The following OPCML variants were observed in gnomAD, a reference collection of about 807,000 sequenced individuals.
OPCML encodes opioid binding protein/cell adhesion molecule like.
In OPCML, 13 loss-of-function variants were observed where a neutral mutation model predicts 37.8. That is an observed-to-expected ratio of 0.34 (90% CI 0.22 to 0.55). The LOEUF (loss-of-function observed/expected upper bound fraction) is 0.55. Among genes scored for constraint, OPCML ranks in the 20% least tolerant of loss-of-function variants. The pLI is 0.91. For missense variants in OPCML, 341 were observed against 435.6 expected (o/e 0.78, Z 1.93); for synonymous variants, 176 against 168.8 (o/e 1.04, Z -0.33).
intron 3 of OPCML, among the ~76,000 whole-genome samples, chr11:132,598,270 T>G (rs767570751): frequency 6.6e-6 from 1 of 152,206 alleles, no homozygotes; most frequent in Non-Finnish European, 1.5e-5. Context: ...TTTTGGTATG[T>G]GTCTGTTTCA....
At chr11:133,414,622 A>G (rs1264353296) in intron 1 of OPCML, among the ~76,000 whole-genome samples, 1 of 152,168 alleles carries the variant, frequency 6.6e-6, no homozygotes, top group Non-Finnish European at 1.5e-5. Flanking sequence ...GCATTTAGGA[A>G]TCCATCTAAT....
At chr11:132,580,987 C>T (rs1050506621) in intron 3 of OPCML, among the ~76,000 whole-genome samples, 17 of 152,028 alleles carry the variant, frequency 1.1e-4, no homozygotes, top group African/African-American at 4.1e-4. Context: ...GGATTTGAGT[C>T]CTGTCCAGAC....
intron 1 of OPCML, among the ~76,000 whole-genome samples, chr11:133,347,899 T>A (rs571625663): frequency 1.3e-5 from 2 of 152,154 alleles, no homozygotes; most frequent in South Asian, 2.1e-4. Context: ...AAGATGATAG[T>A]GAGCTGAGAG....
chr11:133,434,168 G>T (rs1416466879), intron 1 of OPCML, among the ~76,000 whole-genome samples: 1 of 152,062 alleles, frequency 6.6e-6, no homozygotes, highest in African/African-American at 2.4e-5. Context: ...AGTTAGGTGG[G>T]ATTACACTAT....
intron 1 of OPCML, among the ~76,000 whole-genome samples, chr11:132,989,008 T>C (rs566991359): frequency 3.9e-5 from 6 of 152,260 alleles, no homozygotes; most frequent in African/African-American, 1.4e-4. Flanking sequence ...CCAAACTCCA[T>C]TGGCAAAAAT....
intron 1 of OPCML, among the ~76,000 whole-genome samples, chr11:133,397,761 A>G (rs1208037329): frequency 6.6e-6 from 1 of 152,244 alleles, no homozygotes; most frequent in East Asian, 1.9e-4. Flanking sequence ...TGCAATTGAC[A>G]GAATTTATAA....
chr11:133,075,571 G>A (rs932952199), intron 1 of OPCML, among the ~76,000 whole-genome samples: 6 of 152,216 alleles, frequency 3.9e-5, no homozygotes, highest in Admixed American at 1.3e-4. Context: ...CACAGGGACA[G>A]TTATACTGGC....
At chr11:132,671,143 G>A (rs1939506) in intron 2 of OPCML, among the ~76,000 whole-genome samples, 82,422 of 151,928 alleles carry the variant, frequency 0.54, 22,642 homozygotes, top group African/African-American at 0.62. Context: ...AGATGGGCAG[G>A]GACAGATGGC....
chr11:133,483,964 T>C (rs1327844525), intron 1 of OPCML, among the ~76,000 whole-genome samples: 1 of 129,482 alleles, frequency 7.7e-6, no homozygotes, highest in Non-Finnish European at 1.6e-5. Flanking sequence ...AGACAGATTA[T>C]ATAGATAGGT....
At chr11:132,916,668 C>T (rs1056522754) in intron 2 of OPCML, among the ~76,000 whole-genome samples, 4 of 152,064 alleles carry the variant, frequency 2.6e-5, no homozygotes, top group African/African-American at 4.8e-5. Context: ...TAGAAGTCAC[C>T]GGAAGAGAAG....
intron 3 of OPCML, among the ~76,000 whole-genome samples, chr11:132,536,939 G>C (rs2096342365): frequency 6.6e-6 from 1 of 152,156 alleles, no homozygotes; most frequent in South Asian, 2.1e-4. Context: ...TCATATGTTT[G>C]TGTGTGTGCA....
chr11:133,459,326 G>A (rs1946804407), intron 1 of OPCML, among the ~76,000 whole-genome samples: 1 of 151,832 alleles, frequency 6.6e-6, no homozygotes, highest in Non-Finnish European at 1.5e-5. Context: ...GACACAAAAG[G>A]CTCTAAGACA....
intron 1 of OPCML, among the ~76,000 whole-genome samples, chr11:133,040,506 G>A (rs924128749): frequency 6.6e-6 from 1 of 152,220 alleles, no homozygotes; most frequent in Admixed American, 6.5e-5. Flanking sequence ...TCCCTATAGG[G>A]ATGTTTTCTT....
intron 2 of OPCML, among the ~76,000 whole-genome samples, chr11:132,783,341 CT>C (rs1293336613): frequency 2.6e-5 from 4 of 152,198 alleles, no homozygotes; most frequent in East Asian, 1.9e-4. Flanking sequence ...TACATGAGAC[CT>C]TTTGCTTTAG....
At chr11:133,337,718 T>G (rs193086133) in intron 1 of OPCML, among the ~76,000 whole-genome samples, 2 of 152,150 alleles carry the variant, frequency 1.3e-5, no homozygotes, top group Admixed American at 6.5e-5. Flanking sequence ...CAAATAGAAC[T>G]CAAAGTAAGA....
rs560961967 is a variant in OPCML, at chr11:133,289,423, G to A, written c.61+242841C>T. ...ATCCCGGCTAAAACGGTGAAACCCC[G>A]TGTCTACTAAAAATACAAAAAATTA... On this transcript the variant is annotated intron_variant, in intron 1 of 7. Coordinates refer to ENST00000524381, the MANE Select transcript of OPCML (RefSeq NM_001012393.5). Among the ~76,000 whole-genome samples, 951 of 151,634 alleles carry A rather than the reference G, an allele frequency of 6.3e-3. 12 individuals carry two copies. Among genetic ancestry groups the A allele is most frequent in the African/African-American group, 0.022 (903 of 41,292 alleles).
In OPCML at chr11:133,422,678, A is replaced by T. The variant is rs1283463117; in HGVS notation, c.61+109586T>A. ...GGCCACTAATTTCCTTTTAATAATT[A>T]TTATGTCATGAGGAAATATATGCAA... On this transcript the variant is annotated intron_variant, in intron 1 of 7. Transcript: ENST00000524381. 4.1e-6 allele frequency: 4 copies of T among 984,186 alleles called. No homozygotes were observed. The Middle Eastern group carries it at 1.6e-3, about 386-fold the overall frequency. 61.0% of individuals were successfully genotyped at this position (984,186 alleles called of 1,614,324 possible). A position where few individuals can be genotyped will look rare whatever the true frequency, so the allele number is the denominator to read the frequency against.
At position 132,912,879 on chromosome 11, in the gene OPCML, G is replaced by A. The variant is rs376377644; in HGVS notation, c.146+30047C>T. ...ATGCCAGATCTTCCATGGGGACTTTGAAAACAACTTAGCAAATTAACAGGC... is the reference window on the plus strand; with the variant it reads ...ATGCCAGATCTTCCATGGGGACTTTAAAAACAACTTAGCAAATTAACAGGC... On this transcript the variant is annotated intron_variant, in intron 2 of 7. Coordinates refer to ENST00000524381, the MANE Select transcript of OPCML (RefSeq NM_001012393.5). 1.6e-4 allele frequency among the ~76,000 whole-genome samples: 25 copies of A among 152,296 alleles called. No homozygotes were observed. The East Asian group carries it at 4.4e-3, about 27-fold the overall frequency.
chr11:133,031,503 T>A (rs7946812), intron 1 of OPCML, among the ~76,000 whole-genome samples: 1 of 147,932 alleles, frequency 6.8e-6, no homozygotes, highest in Non-Finnish European at 1.5e-5. Context: ...GGATGGTTGG[T>A]TGGATGGGTA....
Sources: allele counts gnomAD v4.1 joint callset (sites outside exome capture counted in the v4.1 genomes callset), GRCh38; gene constraint gnomAD v4.1.1; transcripts MANE v1.5; gene names NCBI Gene and HGNC (gene_info 2026-07-23, HGNC 2026-07-21).